Variants in SLC25A25 observed in about 807,000 individuals in gnomAD.
SLC25A25 encodes solute carrier family 25 member 25.
SLC25A25 carries 32 observed loss-of-function variants against 57.7 expected under a neutral mutation model. The observed-to-expected ratio is 0.55, with a 90% CI of 0.42 to 0.74. The LOEUF is 0.74. Ranked by LOEUF, SLC25A25 falls within the 30% of genes least tolerant of loss-of-function variation. SLC25A25 has a pLI of 0.00. For missense variants in SLC25A25, 556 were observed against 701.3 expected (o/e 0.79, Z 2.34); for synonymous variants, 306 against 291.2 (o/e 1.05, Z -0.52).
intron 1 of SLC25A25, among the ~76,000 whole-genome samples, chr9:128,082,685 G>T (rs1473549881): frequency 6.6e-6 from 1 of 152,054 alleles, no homozygotes; most frequent in Admixed American, 6.6e-5. Flanking sequence ...CTCGCTCTTT[G>T]CCCAGGCTAG....
At chr9:128,076,362 C>T (rs368291524) in intron 1 of SLC25A25, among the ~76,000 whole-genome samples, 10 of 152,050 alleles carry the variant, frequency 6.6e-5, no homozygotes, top group African/African-American at 1.7e-4. Context: ...AACTCCTGAA[C>T]GCATGTGATC....
intron 1 of SLC25A25, among the ~76,000 whole-genome samples, chr9:128,080,586 A>AT (rs932523623): frequency 6.0e-4 from 89 of 147,630 alleles, no homozygotes; most frequent in Admixed American, 1.2e-3. Context: ...TGCCCGGCTA[A>AT]TTTTTTTTTT....
Position 128,107,443 on chromosome 9 carries a change from G to A in SLC25A25, c.1547G>A (p.Ter516=), listed in dbSNP as rs1349595455. Residue 516 remains the stop codon, a stop_retained_variant, in exon 11 of 11, where the codon TGA becomes TAA. Coordinates refer to ENST00000373069, the MANE Select transcript of SLC25A25 (RefSeq NM_001330988.2). The stretch of plus-strand genomic sequence containing the variant: ...ATCACCCTGGGCGTGCAGTCGCGGT[G>A]ACGGGGGGAGGGCCGCCCGGCAGTG... ...LKITLGVQSR[*] 3 of 1,506,246 alleles carry A rather than the reference G, an allele frequency of 2.0e-6. No homozygotes were observed. The highest frequency in any genetic ancestry group is 2.7e-6 in the Non-Finnish European group (3 of 1,126,818). The allele number at this position is 1,506,246 out of a possible 1,614,324, so 93.3% of individuals were successfully genotyped here. A position where few individuals can be genotyped will look rare whatever the true frequency, so the allele number is the denominator to read the frequency against.
At position 128,108,322 on chromosome 9, in the gene SLC25A25, G is replaced by A; in HGVS notation, c.*878G>A. ...TGGAGGCCTTAATTATGGACTGTTG[G>A]GAAAAGGGTTTTGTCCAGAAGGACA... On this transcript the variant is annotated 3_prime_UTR_variant, in exon 11 of 11. Coordinates refer to ENST00000373069, the MANE Select transcript of SLC25A25 (RefSeq NM_001330988.2). 5.0e-6 allele frequency: 2 copies of A among 398,716 alleles called. No homozygotes were observed. Among genetic ancestry groups the A allele is most frequent in the African/African-American group, 2.1e-5 (1 of 48,728 alleles). The allele number at this position is 398,716 out of a possible 1,614,324, so 24.7% of individuals were successfully genotyped here. A position where few individuals can be genotyped will look rare whatever the true frequency, so the allele number is the denominator to read the frequency against.
At chr9:128,083,676 A>ATTT (rs11367855) in intron 1 of SLC25A25, among the ~76,000 whole-genome samples, 94,354 of 143,062 alleles carry the variant, frequency 0.66, 34,007 homozygotes, top group Non-Finnish European at 0.79. Context: ...CGCCCAGCGA[A>ATTT]TTTTTTTTTT....
Position 128,107,174 on chromosome 9 carries a change from C to T in SLC25A25, c.1358C>T (p.Ala453Val), listed in dbSNP as rs753341608. 12 of 1,613,726 alleles carry T rather than the reference C, an allele frequency of 7.4e-6. No individual in the cohort carries two copies. In the East Asian group the frequency reaches 1.1e-4, roughly 15 times the overall value. ...GCCCTAGTCAGGACCCGGATGCAGG[C>T]GCAAGGTAAGGCTGGCCCTGGACAG... ...PLALVRTRMQAQASIEGAPEV... is the reference protein window; with the variant it reads ...PLALVRTRMQVQASIEGAPEV... Residue 453 changes from alanine (A) to valine (V), a missense_variant, in exon 10 of 11, where the codon GCG (alanine) becomes GTG (valine). Around this residue, in one of 3 missense-constraint regions of SLC25A25, gnomAD observed 294 missense variants for 389.6 expected, o/e 0.75. Coordinates refer to ENST00000373069, the MANE Select transcript of SLC25A25 (RefSeq NM_001330988.2).
intron 7 of SLC25A25, 125 bp from the exon 8 acceptor site, chr9:128,106,025 C>A: frequency 6.6e-7 from 1 of 1,525,082 alleles, no homozygotes; most frequent in Non-Finnish European, 9.0e-7. Flanking sequence ...GAGGCCCAGG[C>A]TCACCACGAG....
Position 128,106,485 on chromosome 9 carries a change from A to T in SLC25A25, c.1177A>T (p.Ile393Phe). 6.2e-7 allele frequency: 1 copy of T among 1,611,696 alleles called. No individual in the cohort carries two copies. The highest frequency in any genetic ancestry group is 8.5e-7 in the Non-Finnish European group (1 of 1,179,742). Residue 393 changes from isoleucine to phenylalanine, a missense_variant, in exon 9 of 11, where the codon ATC becomes TTC. Around this residue, in one of 3 missense-constraint regions of SLC25A25, gnomAD observed 294 missense variants for 389.6 expected, o/e 0.75. Transcript: ENST00000373069. ...CTATGTCCCCAACATGCTGGGCATC[A>T]TCCCCTATGCCGGCATCGACCTTGC... ...KGYVPNMLGI[I>F]PYAGIDLAVY...
intron 1 of SLC25A25, among the ~76,000 whole-genome samples, chr9:128,081,547 C>T (rs747329920): frequency 6.6e-6 from 1 of 152,028 alleles, no homozygotes; most frequent in Non-Finnish European, 1.5e-5. Flanking sequence ...CACATGCTGG[C>T]CTCCATACCA....
At chr9:128,096,322 A>G (rs2130808382) in intron 1 of SLC25A25, among the ~76,000 whole-genome samples, 1 of 152,344 alleles carries the variant, frequency 6.6e-6, no homozygotes, top group South Asian at 2.1e-4. Flanking sequence ...CAGCCTGGCC[A>G]ACATGGTAAA....
chr9:128,076,160 C>A (rs961885137), intron 1 of SLC25A25, among the ~76,000 whole-genome samples: 1 of 152,164 alleles, frequency 6.6e-6, no homozygotes, highest in African/African-American at 2.4e-5. Flanking sequence ...GAAACAGAAT[C>A]TTGTTCTGTC....
At chr9:128,081,001 C>T (rs759724001) in intron 1 of SLC25A25, among the ~76,000 whole-genome samples, 1 of 152,124 alleles carries the variant, frequency 6.6e-6, no homozygotes, top group Non-Finnish European at 1.5e-5. Context: ...TTTTCATTCA[C>T]GACTTGGGTG....
intron 1 of SLC25A25, chr9:128,098,309 A>G (rs1490501927): frequency 5.0e-6 from 2 of 396,884 alleles, no homozygotes; most frequent in Non-Finnish European, 8.4e-6. Context: ...GGGAGCGGTG[A>G]CGTCAGCCCT....
intron 1 of SLC25A25, among the ~76,000 whole-genome samples, chr9:128,072,833 G>C (rs1479794105): frequency 6.6e-6 from 1 of 152,220 alleles, no homozygotes; most frequent in Non-Finnish European, 1.5e-5. Context: ...AATACAATCT[G>C]TGTCTTAAAA....
intron 1 of SLC25A25, chr9:128,098,995 G>A (rs890351381): frequency 1.0e-6 from 1 of 985,436 alleles, no homozygotes; most frequent in African/African-American, 1.7e-5. Flanking sequence ...TGGAATGAGG[G>A]GGGTGTTCCT....
chr9:128,072,107 G>A (rs1832921409), intron 1 of SLC25A25, among the ~76,000 whole-genome samples: 1 of 152,200 alleles, frequency 6.6e-6, no homozygotes, highest in South Asian at 2.1e-4. Flanking sequence ...CTCATTACCT[G>A]TAAAGGAGCA....
intron 1 of SLC25A25, among the ~76,000 whole-genome samples, chr9:128,087,546 C>T (rs1004087804): frequency 3.9e-5 from 6 of 152,060 alleles, no homozygotes; most frequent in South Asian, 2.1e-4. Flanking sequence ...TTCGTTTTTT[C>T]GATGTTTCTT....
At position 128,102,762 on chromosome 9, in the gene SLC25A25, C is replaced by T. The variant is rs1833859495; in HGVS notation, c.624+281C>T. ...TCCCTGCTCCCTGCTCCTCATGGGCCACTTCAAATACCCCTTCCCATGATG... is the reference window on the plus strand; with the variant it reads ...TCCCTGCTCCCTGCTCCTCATGGGCTACTTCAAATACCCCTTCCCATGATG... On this transcript the variant is annotated intron_variant, in intron 5 of 10. Coordinates refer to ENST00000373069, the MANE Select transcript of SLC25A25 (RefSeq NM_001330988.2). The surrounding 1 kb of genome is among the most constrained non-coding windows in gnomAD (Gnocchi z 4.1). 6.6e-6 allele frequency among the ~76,000 whole-genome samples: 1 copy of T among 152,216 alleles called. No individual in the cohort carries two copies. Among genetic ancestry groups the T allele is most frequent in the African/African-American group, 2.4e-5 (1 of 41,458 alleles).
At chr9:128,098,739 C>T in intron 1 of SLC25A25, 1 of 1,612,840 alleles carries the variant, frequency 6.2e-7, no homozygotes, top group Non-Finnish European at 8.5e-7. Flanking sequence ...TGTGGGGTGA[C>T]CGCGCGGAAG....
Sources: allele counts gnomAD v4.1 joint callset (sites outside exome capture counted in the v4.1 genomes callset), GRCh38; gene constraint gnomAD v4.1.1; regional missense constraint gnomAD v4.1.1; non-coding constraint Gnocchi (gnomAD v3.1); transcripts MANE v1.5; gene names NCBI Gene and HGNC (gene_info 2026-07-23, HGNC 2026-07-21).